The following ATP5F1C variants were observed in gnomAD, a reference collection of about 807,000 sequenced individuals.
ATP5F1C encodes the protein ATP synthase F(1) complex subunit gamma, mitochondrial.
ATP5F1C carries 22 observed loss-of-function variants against 37.4 expected under a neutral mutation model. The ratio of observed to expected loss-of-function variants is 0.59; its 90% CI spans 0.42 to 0.84. ATP5F1C has a LOEUF of 0.84. ATP5F1C is among the 40% of genes least tolerant of loss of function. The pLI, the probability that ATP5F1C is intolerant of heterozygous loss-of-function variation, is 0.00. For synonymous variants in ATP5F1C, 121 were observed against 128.0 expected, an observed-to-expected ratio of 0.95 and a Z score of 0.37; for missense variants, 286 against 362.4, an observed-to-expected ratio of 0.79 and a Z score of 1.71.
At chr10:7,799,293 A>C in intron 4 of ATP5F1C, 99 bp downstream of exon 4, 1 of 1,161,966 alleles carries the variant, frequency 8.6e-7, no homozygotes. Flanking sequence ...CATCAATAAC[A>C]AGGTATATTC....
chr10:7,800,762 T>C (rs1260473955), intron 6 of ATP5F1C, among the ~76,000 whole-genome samples: 1 of 152,220 alleles, frequency 6.6e-6, no homozygotes, highest in African/African-American at 2.4e-5. Flanking sequence ...TCCAAAGTGC[T>C]GGGATTACAG....
rs1437104142 is a variant in ATP5F1C, at chr10:7,802,865, G to A, written c.890+11G>A. The stretch of plus-strand genomic sequence containing the variant: ...TGGTGCTGCAGCTCTGTGAGTAATT[G>A]TAGATTGTCGCCTTCAGAGAATTTT... On this transcript the variant is annotated intron_variant, in intron 8 of 9. Coordinates refer to ENST00000356708, the MANE Select transcript of ATP5F1C (RefSeq NM_001001973.3). The A allele has an allele frequency of 6.2e-7, 1 of 1,607,158 alleles. No individual in the cohort carries two copies. Among genetic ancestry groups the A allele is most frequent in the Middle Eastern group, 1.7e-4 (1 of 6,052 alleles).
chr10:7,797,393 A>T (rs1482389241), intron 3 of ATP5F1C, among the ~76,000 whole-genome samples: 1 of 152,200 alleles, frequency 6.6e-6, no homozygotes, highest in Non-Finnish European at 1.5e-5. Flanking sequence ...CAGTGAGAAA[A>T]ACTGAAGCAC....
At position 7,806,974 on chromosome 10, in the gene ATP5F1C, G is replaced by A; in HGVS notation, c.891G>A (p.Leu297=). 1 of 1,610,846 alleles carries A rather than the reference G, an allele frequency of 6.2e-7. No individual in the cohort carries two copies. Among genetic ancestry groups the A allele is most frequent in the South Asian group, 1.1e-5 (1 of 90,968 alleles). The change falls in exon 9 of 10, where the codon CTG becomes CTA. Residue 297 remains leucine (L), a splice_region_variant and synonymous_variant. Transcript: ENST00000356708. The part of the protein sequence containing the change: ...LIEIISGAAA[L]D ...CTTTTTCTTCTAATATAATAACCAG[G>A]GATTAATGAAAATCAAGTTCCATCC...
At position 7,800,092 on chromosome 10, in the gene ATP5F1C, G is replaced by T; in HGVS notation, c.637+1G>T. 1 of 1,613,548 alleles carries T rather than the reference G, an allele frequency of 6.2e-7. No individual in the cohort carries two copies. The highest frequency in any genetic ancestry group is 1.7e-5 in the Admixed American group (1 of 60,016). The stretch of plus-strand genomic sequence containing the variant: ...TCCCTTAATACCGTTGCAAGTGCTG[G>T]TAAGTAGTTTTTCTATGATACATAT... On this transcript the variant is annotated splice_donor_variant, in intron 6 of 9. Transcript: ENST00000356708. LOFTEE classifies it high-confidence loss of function.
In ATP5F1C at chr10:7,807,023, C is replaced by A. The variant is rs1836494916; in HGVS notation, c.*30+13C>A. 6.2e-7 allele frequency: 1 copy of A among 1,604,020 alleles called. No homozygotes were observed. Among genetic ancestry groups the A allele is most frequent in the Non-Finnish European group, 8.5e-7 (1 of 1,171,744 alleles). On this transcript the variant is annotated intron_variant, in intron 9 of 9. Coordinates refer to ENST00000356708, the MANE Select transcript of ATP5F1C (RefSeq NM_001001973.3). ...CCTCAGACAAGAGGTAAAGTTCACACATTCTTCCCATGTCTGTTCAGAAAA... is the reference window on the plus strand; with the variant it reads ...CCTCAGACAAGAGGTAAAGTTCACAAATTCTTCCCATGTCTGTTCAGAAAA...
intron 3 of ATP5F1C, 37 bp from the exon 4 acceptor site, chr10:7,798,953 G>C: frequency 6.4e-7 from 1 of 1,556,650 alleles, no homozygotes; most frequent in South Asian, 1.1e-5. Flanking sequence ...TTAGTGTATT[G>C]CATATAAAAA....
intron 3 of ATP5F1C, among the ~76,000 whole-genome samples, chr10:7,797,546 C>G (rs1036768862): frequency 1.3e-5 from 2 of 152,106 alleles, no homozygotes; most frequent in Admixed American, 6.6e-5. Context: ...CTGAAATGTT[C>G]CCAGTTGTTA....
chr10:7,807,148 C>T (rs886268605), intron 9 of ATP5F1C, 138 bp downstream of exon 9: 5 of 718,114 alleles, frequency 7.0e-6, no homozygotes, highest in African/African-American at 1.8e-5. Flanking sequence ...AGCCAACTCA[C>T]GGGAGCACCT....
At chr10:7,806,950 T>A in intron 8 of ATP5F1C, 24 bp from the exon 9 acceptor site, 1 of 1,604,022 alleles carries the variant, frequency 6.2e-7, no homozygotes, top group Non-Finnish European at 8.5e-7. Flanking sequence ...TGTGTTTGTC[T>A]TTTTCTTCTA....
chr10:7,802,187 G>T, intron 6 of ATP5F1C, 83 bp from the exon 7 acceptor site: 1 of 1,354,428 alleles, frequency 7.4e-7, no homozygotes, highest in Non-Finnish European at 1.0e-6. Context: ...AATTATAAAG[G>T]AGTTTTACAC....
chr10:7,801,755 C>G (rs1836370636), intron 6 of ATP5F1C, among the ~76,000 whole-genome samples: 1 of 152,158 alleles, frequency 6.6e-6, no homozygotes, highest in East Asian at 1.9e-4. Context: ...CAAATGCACC[C>G]CATCACACAA....
At chr10:7,806,169 T>C (rs930238176) in intron 8 of ATP5F1C, among the ~76,000 whole-genome samples, 3 of 152,208 alleles carry the variant, frequency 2.0e-5, no homozygotes, top group Non-Finnish European at 4.4e-5. Context: ...AGTGCCAAGG[T>C]TGGATTGCTT....
chr10:7,788,211 T>G lies in ATP5F1C; in HGVS notation c.4T>G (p.Phe2Val). Residue 2 changes from phenylalanine (F) to valine (V), a missense_variant, in exon 1 of 10, where the codon TTC (phenylalanine) becomes GTC (valine). Coordinates refer to ENST00000356708, the MANE Select transcript of ATP5F1C (RefSeq NM_001001973.3). Reference sequence around the variant, plus strand: ...CTTCAGCAGGGCTGTGGCTACCATGTTCTCTCGCGCGGGTGTCGCTGGGCT... The same window carrying G: ...CTTCAGCAGGGCTGTGGCTACCATGGTCTCTCGCGCGGGTGTCGCTGGGCT... Reference protein sequence around the residue: MFSRAGVAGLSA... With the variant: MVSRAGVAGLSA... The G allele has an allele frequency of 3.7e-6, 6 of 1,613,506 alleles. No individual in the cohort carries two copies. Among genetic ancestry groups the G allele is most frequent in the Non-Finnish European group, 5.1e-6 (6 of 1,179,924 alleles).
chr10:7,797,712 A>G, intron 3 of ATP5F1C, among the ~76,000 whole-genome samples: 1 of 152,070 alleles, frequency 6.6e-6, no homozygotes, highest in East Asian at 1.9e-4. Flanking sequence ...ATGACTCATG[A>G]TGGTGTTTTG....
chr10:7,790,298 A>G (rs1211893458), intron 1 of ATP5F1C, among the ~76,000 whole-genome samples: 2 of 152,240 alleles, frequency 1.3e-5, no homozygotes, highest in Non-Finnish European at 2.9e-5. Context: ...TACCATGCTA[A>G]CATAAAAACA....
chr10:7,797,000 G>A (rs191262736), intron 2 of ATP5F1C, 47 bp from the exon 3 acceptor site: 15 of 1,582,250 alleles, frequency 9.5e-6, no homozygotes, highest in East Asian at 2.3e-5. Flanking sequence ...TCACAAGGAA[G>A]TTATACTGTA....
intron 8 of ATP5F1C, 153 bp downstream of exon 8, chr10:7,803,007 T>TA (rs1168757095): frequency 1.7e-6 from 1 of 591,288 alleles, no homozygotes; most frequent in Non-Finnish European, 2.9e-6. Flanking sequence ...AAAGATGTGG[T>TA]AAAAATGGGA....
chr10:7,797,006 C>A, intron 2 of ATP5F1C, 41 bp from the exon 3 acceptor site: 1 of 1,591,474 alleles, frequency 6.3e-7, no homozygotes, highest in Admixed American at 1.8e-5. Context: ...GGAAGTTATA[C>A]TGTAATTCCT....
Sources: gnomAD v4.1 joint callset for allele counts (sites outside exome capture counted in the v4.1 genomes callset) on GRCh38, gnomAD v4.1.1 for gene constraint, MANE v1.5 for transcripts, NCBI Gene and HGNC (gene_info 2026-07-23, HGNC 2026-07-21) for gene names.